Variants in CEP63 observed in about 807,000 individuals in gnomAD.
CEP63 encodes the protein centrosomal protein of 63 kDa.
Under a neutral mutation model 89.1 loss-of-function variants are expected in CEP63, and 84 were observed. That is an observed-to-expected ratio of 0.94 (90% confidence interval 0.79 to 1.13). The LOEUF is 1.13. CEP63 is among the 50% of genes most tolerant of loss of function. The pLI is 0.00. For missense variants in CEP63, 838 were observed against 813.3 expected (o/e 1.03, Z -0.37); for synonymous variants, 267 against 272.5 (o/e 0.98, Z 0.20).
At chr3:134,525,456 A>G (rs1029468538) in intron 3 of CEP63, among the ~76,000 whole-genome samples, 2 of 152,146 alleles carry the variant, frequency 1.3e-5, no homozygotes, top group Non-Finnish European at 2.9e-5. Context: ...ACAGCATACC[A>G]ATGGGTCTTG....
intron 5 of CEP63, among the ~76,000 whole-genome samples, chr3:134,534,758 G>C (rs1363519792): frequency 6.6e-6 from 1 of 152,064 alleles, no homozygotes; most frequent in African/African-American, 2.4e-5. Flanking sequence ...CCTCAAATGG[G>C]TCCTAATGCT....
chr3:134,685,336 G>A, the CEP63 span, among the ~76,000 whole-genome samples: 2 of 151,854 alleles, frequency 1.3e-5, no homozygotes, highest in Non-Finnish European at 2.9e-5. Context: ...CTGTTGACCC[G>A]TAGCATCCAG....
the CEP63 span, among the ~76,000 whole-genome samples, chr3:134,693,099 G>A: frequency 1.3e-5 from 2 of 152,130 alleles, no homozygotes; most frequent in Non-Finnish European, 2.9e-5. Context: ...CAGTGTTCAG[G>A]AAAAGAAAGG....
At chr3:134,504,795 T>A (rs1318087124) in intron 2 of CEP63, among the ~76,000 whole-genome samples, 1 of 152,156 alleles carries the variant, frequency 6.6e-6, no homozygotes, top group African/African-American at 2.4e-5. Flanking sequence ...CTTTTTTCTT[T>A]TTTATTCTTT....
chr3:134,665,952 T>A, the CEP63 span, among the ~76,000 whole-genome samples: 1 of 146,284 alleles, frequency 6.8e-6, no homozygotes, highest in African/African-American at 2.5e-5. Context: ...GACAGGAAAG[T>A]CAGAGAGAGA....
the CEP63 span, among the ~76,000 whole-genome samples, chr3:134,595,099 A>G: frequency 2.0e-5 from 3 of 152,186 alleles, no homozygotes; most frequent in Non-Finnish European, 4.4e-5. Flanking sequence ...CCCCAACCAA[A>G]TGTCATCTTG....
downstream of CEP63, among the ~76,000 whole-genome samples, chr3:134,569,371 G>T (rs911742036): frequency 1.3e-5 from 2 of 152,242 alleles, no homozygotes; most frequent in Non-Finnish European, 2.9e-5. Flanking sequence ...TTACTTCTCA[G>T]ATACAATAGG....
intron 3 of CEP63, among the ~76,000 whole-genome samples, chr3:134,516,245 A>G (rs1946182461): frequency 6.6e-6 from 1 of 152,238 alleles, no homozygotes; most frequent in African/African-American, 2.4e-5. Context: ...GCTGTGCTTT[A>G]GATATGCATA....
At chr3:134,581,313 G>T (rs529185894) in intron 10 of CEP63, among the ~76,000 whole-genome samples, 1 of 152,276 alleles carries the variant, frequency 6.6e-6, no homozygotes, top group South Asian at 2.1e-4. Context: ...AGACGCGGTG[G>T]CTCACACCTG....
rs1950120096 is a variant in CEP63, at chr3:134,532,903, ATGTTCATAGTAATAATT to A, written c.441+14_441+30del. The A allele has an allele frequency of 6.2e-7, 1 of 1,613,222 alleles. No individual in the cohort carries two copies. Among genetic ancestry groups the A allele is most frequent in the Non-Finnish European group, 8.5e-7 (1 of 1,179,480 alleles). On this transcript the variant is annotated splice_donor_5th_base_variant and intron_variant, in intron 5 of 14. Transcript: ENST00000675561. Reference sequence around the variant, plus strand: ...AGAGGTTAACTGCAAAAATAGAGGTATGTTCATAGTAATAATTTGTTCATAGTGATTGTCAGCCTTCA... The same window carrying A: ...AGAGGTTAACTGCAAAAATAGAGGTATGTTCATAGTGATTGTCAGCCTTCA...
intron 1 of CEP63, among the ~76,000 whole-genome samples, chr3:134,493,524 A>G (rs1938502057): frequency 6.6e-6 from 1 of 152,082 alleles, no homozygotes; most frequent in Non-Finnish European, 1.5e-5. Context: ...AATATGTAGG[A>G]TAAACCAACT....
the CEP63 span, among the ~76,000 whole-genome samples, chr3:134,631,914 A>G: frequency 1.3e-5 from 2 of 152,260 alleles, no homozygotes; most frequent in African/African-American, 4.8e-5. Context: ...AATACATAAG[A>G]TTAAACTATA....
At chr3:134,546,351 C>CTTATTT (rs71139539) in intron 8 of CEP63, 63 bp downstream of exon 8, 468 of 1,397,084 alleles carry the variant, frequency 3.3e-4, no homozygotes, top group Middle Eastern at 9.5e-4. Flanking sequence ...AAGCACTAGG[C>CTTATTT]TTATTTTTAT....
At chr3:134,588,340 G>C (rs1423276443), downstream of CEP63, among the ~76,000 whole-genome samples, 2 of 152,070 alleles carry the variant, frequency 1.3e-5, no homozygotes, top group African/African-American at 4.8e-5. Context: ...AACATATGTT[G>C]AGACACAAAT....
chr3:134,640,287 G>C, the CEP63 span, among the ~76,000 whole-genome samples: 4 of 152,194 alleles, frequency 2.6e-5, no homozygotes, highest in Admixed American at 1.3e-4. Context: ...GGAAGAGACA[G>C]TATGGGGGAG....
the CEP63 span, among the ~76,000 whole-genome samples, chr3:134,749,938 G>A: frequency 4.6e-5 from 7 of 152,076 alleles, no homozygotes; most frequent in Non-Finnish European, 1.0e-4. Flanking sequence ...AGCGCCCAGG[G>A]TTGAGTCCAG....
Position 134,500,763 on chromosome 3 carries a change from A to T in CEP63, c.44+5399A>T, listed in dbSNP as rs375756137. On this transcript the variant is annotated intron_variant, in intron 2 of 14. Coordinates refer to ENST00000675561, the MANE Select transcript of CEP63 (RefSeq NM_001353108.3). ...TTTGTTGGATGCATGGTTTGCAAAT[A>T]CGTTCTCTCATTCTGTAAGTTGTCA... Among the ~76,000 whole-genome samples, 4 of 152,224 alleles carry T rather than the reference A, an allele frequency of 2.6e-5. No homozygotes were observed. The South Asian group carries it at 8.3e-4, about 32-fold the overall frequency.
the CEP63 span, among the ~76,000 whole-genome samples, chr3:134,699,448 G>A: frequency 6.6e-6 from 1 of 152,172 alleles, no homozygotes; most frequent in African/African-American, 2.4e-5. Flanking sequence ...GCTAGCCTTG[G>A]GCAAGACAGA....
the CEP63 span, among the ~76,000 whole-genome samples, chr3:134,760,448 A>T: frequency 1.4e-4 from 21 of 152,238 alleles, no homozygotes; most frequent in Non-Finnish European, 2.6e-4. Flanking sequence ...AGATGAGGTC[A>T]AGTGATGAGG....
Sources: gnomAD v4.1 joint callset for allele counts (sites outside exome capture counted in the v4.1 genomes callset) on GRCh38, gnomAD v4.1.1 for gene constraint, MANE v1.5 for transcripts, NCBI Gene and HGNC (gene_info 2026-07-23, HGNC 2026-07-21) for gene names.